The following POSTN variants were observed in gnomAD, a reference collection of about 807,000 sequenced individuals.
POSTN encodes osteoblast specific factor 2 (fasciclin I-like).
POSTN carries 71 observed loss-of-function variants against 104.5 expected under a neutral mutation model. The ratio of observed to expected loss-of-function variants is 0.68; its 90% CI spans 0.56 to 0.83. The LOEUF (loss-of-function observed/expected upper bound fraction) is 0.83, where lower values mean the gene tolerates loss of function less well. Ranked by LOEUF, POSTN falls within the 40% of genes least tolerant of loss-of-function variation. POSTN has a pLI of 0.00. For missense variants in POSTN, 949 were observed against 1,006.8 expected (o/e 0.94, Z 0.78); for synonymous variants, 355 against 340.7 (o/e 1.04, Z -0.46).
intron 17 of POSTN, 92 bp downstream of exon 17, chr13:37,574,480 G>T (rs1264230573): frequency 7.7e-6 from 11 of 1,431,622 alleles, no homozygotes; most frequent in East Asian, 2.8e-5. Flanking sequence ...TAACATGTTA[G>T]TTTTTAAAAG....
chr13:37,571,127 C>A, intron 18 of POSTN: 1 of 403,298 alleles, frequency 2.5e-6, no homozygotes, highest in Non-Finnish European at 4.4e-6. Flanking sequence ...ATGCAAAAAT[C>A]ATGACATTTT....
rs370949809 is a variant in POSTN, at chr13:37,569,857, A to G, written c.2270-36T>C. ...GACAATGAAAAAGGTCTAAAACAGA[A>G]GTAGGCAAACTTCTTCTGCGAAGTG... On this transcript the variant is annotated intron_variant, in intron 19 of 22. Coordinates refer to ENST00000379747, the MANE Select transcript of POSTN (RefSeq NM_006475.3). 1.3e-5 allele frequency: 19 copies of G among 1,413,552 alleles called. No homozygotes were observed. The African/African-American group carries it at 2.0e-4, about 15-fold the overall frequency. The allele number at this position is 1,413,552 out of a possible 1,614,324, so 87.6% of individuals were successfully genotyped here.
At chr13:37,579,833 A>C in intron 12 of POSTN, 28 bp downstream of exon 12, 1 of 1,600,228 alleles carries the variant, frequency 6.2e-7, no homozygotes. Context: ...AATGAAAGGG[A>C]AAATATCTGG....
In POSTN at chr13:37,562,805, T is replaced by A. The variant is rs1206465317; in HGVS notation, c.*528A>T. 1 of 152,166 alleles carries A rather than the reference T, an allele frequency of 6.6e-6. No homozygotes were observed. The highest frequency in any genetic ancestry group is 6.5e-5 in the Admixed American group (1 of 15,268). The allele number at this position is 152,166 out of a possible 1,614,324, so 9.4% of individuals were successfully genotyped here. On this transcript the variant is annotated 3_prime_UTR_variant, in exon 23 of 23. Coordinates refer to ENST00000379747, the MANE Select transcript of POSTN (RefSeq NM_006475.3). ...GACAAACATTCTGAGAGTACAAAAT[T>A]AGTTGTAAAAAATAACATAATTTAC...
chr13:37,581,725 T>TA (rs578250563), intron 10 of POSTN, among the ~76,000 whole-genome samples: 97 of 145,690 alleles, frequency 6.7e-4, no homozygotes, highest in African/African-American at 1.6e-3. Flanking sequence ...TTCTGTCCCT[T>TA]AAAAAAAAAA....
chr13:37,592,303 T>G, intron 2 of POSTN, 139 bp from the exon 3 acceptor site: 1 of 615,084 alleles, frequency 1.6e-6, no homozygotes. Context: ...CCCTGATTTT[T>G]TCTTTTTTCT....
intron 3 of POSTN, 52 bp downstream of exon 3, chr13:37,592,048 A>G: frequency 1.5e-6 from 2 of 1,313,652 alleles, no homozygotes; most frequent in Admixed American, 3.4e-5. Context: ...AGCCACCTCA[A>G]CCCTTTCTTT....
Position 37,563,178 on chromosome 13 carries a change from G to GA in POSTN, c.*154dup, listed in dbSNP as rs540445013. On this transcript the variant is annotated 3_prime_UTR_variant, in exon 23 of 23. Coordinates refer to ENST00000379747, the MANE Select transcript of POSTN (RefSeq NM_006475.3). ...CAATTTCCCTCATGTTTCTCATTCAGAAAAAAAAATATTAAATTTGTGTTC... is the reference window on the plus strand; with the variant it reads ...CAATTTCCCTCATGTTTCTCATTCAGAAAAAAAAAATATTAAATTTGTGTTC... 1,412 of 413,660 alleles carry GA rather than the reference G, an allele frequency of 3.4e-3. No individual in the cohort carries two copies. The highest frequency in any genetic ancestry group is 4.2e-3 in the South Asian group (51 of 12,198). The allele number at this position is 413,660 out of a possible 1,614,324, so 25.6% of individuals were successfully genotyped here. A position where few individuals can be genotyped will look rare whatever the true frequency, so the allele number is the denominator to read the frequency against.
At chr13:37,568,048 T>C (rs1451965925) in intron 21 of POSTN, among the ~76,000 whole-genome samples, 1 of 152,128 alleles carries the variant, frequency 6.6e-6, no homozygotes, top group East Asian at 1.9e-4. Context: ...ATAATGTGTT[T>C]GTCTCTTCCC....
rs1210891962 is a variant in POSTN at position 37,578,843 on chromosome 13, C to T, written c.1962+1G>A. 2 of 1,513,140 alleles carry T rather than the reference C, an allele frequency of 1.3e-6. No individual in the cohort carries two copies. Among genetic ancestry groups the T allele is most frequent in the Non-Finnish European group, 1.8e-6 (2 of 1,119,888 alleles). The allele number at this position is 1,513,140 out of a possible 1,614,324, so 93.7% of individuals were successfully genotyped here. ...GAAATAAATCAAGTAACTTTTAGTA[C>T]CTTAATTTGGATGTATTTGATTAAT... On this transcript the variant is annotated splice_donor_variant, in intron 15 of 22. Coordinates refer to ENST00000379747, the MANE Select transcript of POSTN (RefSeq NM_006475.3). LOFTEE classifies it high-confidence loss of function.
chr13:37,593,120 A>G (rs1192650800), intron 2 of POSTN, among the ~76,000 whole-genome samples: 1 of 151,346 alleles, frequency 6.6e-6, no homozygotes, highest in Non-Finnish European at 1.5e-5. Context: ...CATCCTGTTT[A>G]AAGTTAACGA....
intron 2 of POSTN, among the ~76,000 whole-genome samples, chr13:37,596,594 G>A (rs1951093215): frequency 6.6e-6 from 1 of 152,142 alleles, no homozygotes; most frequent in Non-Finnish European, 1.5e-5. Context: ...ATGAGCTTCC[G>A]TTATCACCTT....
chr13:37,580,105 C>G, intron 11 of POSTN, 114 bp from the exon 12 acceptor site: 4 of 925,374 alleles, frequency 4.3e-6, no homozygotes, highest in Non-Finnish European at 6.4e-6. Context: ...GAGAACTGCT[C>G]ATACATTTTC....
At chr13:37,565,212 G>A (rs747757442) in intron 21 of POSTN, 1 of 151,910 alleles carries the variant, frequency 6.6e-6, no homozygotes, top group African/African-American at 2.4e-5. Flanking sequence ...AGAACTGCAA[G>A]TGTTTCAAAA....
intron 4 of POSTN, among the ~76,000 whole-genome samples, chr13:37,588,731 T>C (rs975702248): frequency 5.9e-5 from 9 of 152,200 alleles, no homozygotes; most frequent in African/African-American, 1.9e-4. Flanking sequence ...GTTTGGTTAA[T>C]ACACACTTTT....
chr13:37,566,141 G>A (rs566981075), intron 21 of POSTN, among the ~76,000 whole-genome samples: 15 of 152,248 alleles, frequency 9.9e-5, no homozygotes, highest in African/African-American at 3.6e-4. Flanking sequence ...CTTGATTAAT[G>A]TGTAGAAAAC....
intron 19 of POSTN, 139 bp downstream of exon 19, chr13:37,570,441 A>T: frequency 1.7e-6 from 1 of 587,484 alleles, no homozygotes; most frequent in South Asian, 2.4e-5. Flanking sequence ...GAATAATATT[A>T]TATCTGCCAA....
intron 21 of POSTN, among the ~76,000 whole-genome samples, chr13:37,567,063 C>T (rs1240705489): frequency 1.4e-5 from 2 of 148,094 alleles, no homozygotes; most frequent in Admixed American, 6.7e-5. Context: ...GGTGAAACCC[C>T]GTCTCTACTA....
intron 18 of POSTN, chr13:37,571,136 T>C: frequency 2.4e-6 from 1 of 416,670 alleles, no homozygotes. Context: ...TCATGACATT[T>C]TGTTGGGCCC....
Sources: gnomAD v4.1 joint callset for allele counts (sites outside exome capture counted in the v4.1 genomes callset) on GRCh38, gnomAD v4.1.1 for gene constraint, MANE v1.5 for transcripts, NCBI Gene and HGNC (gene_info 2026-07-23, HGNC 2026-07-21) for gene names.